UTRN: variants seen among roughly 807,000 people sequenced by gnomAD.
UTRN encodes the protein utrophin.
A neutral mutation model predicts 463.9 loss-of-function variants in UTRN; 283 were observed. That is an observed-to-expected ratio of 0.61 (90% CI 0.55 to 0.67). The LOEUF (loss-of-function observed/expected upper bound fraction) is 0.67. UTRN is among the 30% of genes least tolerant of loss of function. The probability of loss-of-function intolerance (pLI) is 0.00; values close to 1 mark genes in which losing one functional copy is unlikely to be tolerated. For synonymous variants in UTRN, 1,442 were observed against 1,431.5 expected (o/e 1.01, Z -0.17); for missense variants, 3,922 against 4,084.3 (o/e 0.96, Z 1.08).
chr6:144,501,694 C>T (rs747934174), intron 34 of UTRN, among the ~76,000 whole-genome samples: 5 of 151,946 alleles, frequency 3.3e-5, no homozygotes, highest in South Asian at 2.1e-4. Flanking sequence ...TTATAGATAA[C>T]GCTATGGTGA....
chr6:144,741,460 A>C (rs537667310), intron 54 of UTRN, among the ~76,000 whole-genome samples: 2 of 152,274 alleles, frequency 1.3e-5, no homozygotes, highest in East Asian at 1.9e-4. Context: ...TGCATTTAAC[A>C]AGTACGTTTT....
chr6:144,561,706 C>T (rs1799942256), intron 50 of UTRN, among the ~76,000 whole-genome samples: 1 of 152,108 alleles, frequency 6.6e-6, no homozygotes, highest in African/African-American at 2.4e-5. Context: ...CTCACCGAGT[C>T]ACCATTTCCT....
chr6:144,646,920 G>A (rs1237808151), intron 51 of UTRN, among the ~76,000 whole-genome samples: 2 of 152,136 alleles, frequency 1.3e-5, no homozygotes, highest in Admixed American at 1.3e-4. Context: ...ATGAAAACCA[G>A]TGTGTGAGTT....
rs1040459408 is a variant in UTRN at position 144,723,845 on chromosome 6, G to A, written c.7810-6512G>A. Among the ~76,000 whole-genome samples, 17 of 151,196 alleles carry A rather than the reference G, an allele frequency of 1.1e-4. No homozygotes were observed. The Middle Eastern group carries it at 0.017, about 152-fold the overall frequency. On this transcript the variant is annotated intron_variant, in intron 53 of 74. Coordinates refer to ENST00000367545, the MANE Select transcript of UTRN (RefSeq NM_007124.3). ...GGTGAAACCCTGTTTCTACAAAAAC[G>A]TATGTAAAAAAAAAATTGGCCAGGC...
Position 144,561,629 on chromosome 6 carries a change from C to G in UTRN, c.7289+4318C>G, listed in dbSNP as rs147412363. 5.3e-5 allele frequency among the ~76,000 whole-genome samples: 8 copies of G among 152,194 alleles called. No homozygotes were observed. The East Asian group carries it at 1.5e-3, about 29-fold the overall frequency. ...AGCACTGAGTGTAAGGTATATGGGG[C>G]AATCCTTGGTTAAAAGCCCATCTTA... On this transcript the variant is annotated intron_variant, in intron 50 of 74. Coordinates refer to ENST00000367545, the MANE Select transcript of UTRN (RefSeq NM_007124.3).
intron 51 of UTRN, chr6:144,583,356 C>T (rs1802161103): frequency 1.9e-6 from 1 of 525,202 alleles, no homozygotes. Context: ...AACCTAACCC[C>T]CTGTATCTTT....
intron 2 of UTRN, among the ~76,000 whole-genome samples, chr6:144,317,114 A>G (rs1039699688): frequency 1.3e-5 from 2 of 152,206 alleles, no homozygotes; most frequent in Non-Finnish European, 2.9e-5. Flanking sequence ...TAATTCATAA[A>G]TTCTCACAAA....
At chr6:144,431,734 G>A (rs1785868932) in intron 9 of UTRN, among the ~76,000 whole-genome samples, 1 of 152,160 alleles carries the variant, frequency 6.6e-6, no homozygotes, top group African/African-American at 2.4e-5. Context: ...TAGTATAGAG[G>A]TTTGGAGCTA....
chr6:144,548,522 G>T lies in UTRN; in HGVS notation c.6596-118G>T, dbSNP rs989141671. 3 of 932,646 alleles carry T rather than the reference G, an allele frequency of 3.2e-6. No individual in the cohort carries two copies. The Admixed American group carries it at 8.6e-5, about 27-fold the overall frequency. 57.8% of individuals were successfully genotyped at this position (932,646 alleles called of 1,614,324 possible). ...TTCAGTATGAAAAAATAACCTCTTA[G>T]AATTTTTTTTACTTAAACTAAATTT... On this transcript the variant is annotated intron_variant, in intron 46 of 74. Coordinates refer to ENST00000367545, the MANE Select transcript of UTRN (RefSeq NM_007124.3).
In UTRN at chr6:144,548,310, T is replaced by C. The variant is rs563789074; in HGVS notation, c.6596-330T>C. Among the ~76,000 whole-genome samples, 12 of 152,276 alleles carry C rather than the reference T, an allele frequency of 7.9e-5. No individual in the cohort carries two copies. The South Asian group carries it at 2.3e-3, about 29-fold the overall frequency. ...GTTAAATGAAAAAAATAAAAAATTA[T>C]GAATAAGTTGGCTTTATAATTAAAA... is the stretch of plus-strand genomic sequence containing the variant. On this transcript the variant is annotated intron_variant, in intron 46 of 74. Coordinates refer to ENST00000367545, the MANE Select transcript of UTRN (RefSeq NM_007124.3).
chr6:144,374,790 A>G (rs969275543), intron 2 of UTRN, among the ~76,000 whole-genome samples: 1 of 151,642 alleles, frequency 6.6e-6, no homozygotes, highest in African/African-American at 2.4e-5. Flanking sequence ...CCTTAAAAAT[A>G]CAAAAATTAA....
At chr6:144,781,440 A>G (rs1428868299) in intron 60 of UTRN, among the ~76,000 whole-genome samples, 1 of 152,142 alleles carries the variant, frequency 6.6e-6, no homozygotes, top group Non-Finnish European at 1.5e-5. Flanking sequence ...TTTGTATGTA[A>G]TGATGTACAT....
At chr6:144,482,008 G>A (rs933367013) in intron 26 of UTRN, among the ~76,000 whole-genome samples, 1 of 152,010 alleles carries the variant, frequency 6.6e-6, no homozygotes, top group Non-Finnish European at 1.5e-5. Context: ...TAGTGAACAA[G>A]ACTCTATCTC....
chr6:144,321,769 CT>C (rs59340673), intron 2 of UTRN, among the ~76,000 whole-genome samples: 18,878 of 135,304 alleles, frequency 0.14, 3,596 homozygotes, highest in African/African-American at 0.43. Context: ...TGTGCCTGGC[CT>C]TTTTTTTTTT....
At chr6:144,498,924 C>T (rs1244244695) in intron 33 of UTRN, among the ~76,000 whole-genome samples, 2 of 152,122 alleles carry the variant, frequency 1.3e-5, no homozygotes, top group East Asian at 1.9e-4. Flanking sequence ...TTGCCTGCCT[C>T]GGCCTCCCAA....
intron 51 of UTRN, among the ~76,000 whole-genome samples, chr6:144,654,938 A>G (rs975187890): frequency 5.3e-5 from 8 of 151,900 alleles, no homozygotes; most frequent in Non-Finnish European, 2.9e-5. Flanking sequence ...CCTGAAGAAG[A>G]AAAAGCTCTT....
chr6:144,839,705 G>A (rs113688041), intron 72 of UTRN, among the ~76,000 whole-genome samples: 3,199 of 152,068 alleles, frequency 0.021, 104 homozygotes, highest in African/African-American at 0.074. Flanking sequence ...ACTTTTCTTC[G>A]TCCTAGTCCA....
At chr6:144,617,725 G>A (rs965459736) in intron 51 of UTRN, among the ~76,000 whole-genome samples, 5 of 152,052 alleles carry the variant, frequency 3.3e-5, no homozygotes, top group African/African-American at 9.7e-5. Flanking sequence ...TCAGCTCTTC[G>A]TAAATGTCCA....
intron 11 of UTRN, among the ~76,000 whole-genome samples, chr6:144,438,339 G>A (rs1241442510): frequency 6.6e-6 from 1 of 152,216 alleles, no homozygotes; most frequent in Non-Finnish European, 1.5e-5. Context: ...TTAACTTGGT[G>A]TGAAGACAGG....
Sources: gnomAD v4.1 joint callset for allele counts (sites outside exome capture counted in the v4.1 genomes callset) on GRCh38, gnomAD v4.1.1 for gene constraint, MANE v1.5 for transcripts, NCBI Gene and HGNC (gene_info 2026-07-23, HGNC 2026-07-21) for gene names.